FERMT1: variants seen among roughly 807,000 people sequenced by gnomAD.
FERMT1 encodes fermitin family homolog 1.
FERMT1 carries 60 observed loss-of-function variants against 85.3 expected under a neutral mutation model. The ratio of observed to expected loss-of-function variants is 0.70; its 90% CI spans 0.57 to 0.87. The LOEUF (loss-of-function observed/expected upper bound fraction) is 0.87. FERMT1 is among the 40% of genes least tolerant of loss of function. The pLI is 0.00. For missense variants in FERMT1, 701 were observed against 818.9 expected (o/e 0.86, Z 1.76); for synonymous variants, 275 against 301.1 (o/e 0.91, Z 0.90).
intron 14 of FERMT1, among the ~76,000 whole-genome samples, chr20:6,079,027 C>A (rs2236148): frequency 0.2 from 30,265 of 152,152 alleles, 3,739 homozygotes; most frequent in East Asian, 0.55. Flanking sequence ...AGTCCTCCAT[C>A]GGGTTTCTTG....
chr20:6,094,332 A>C (rs897512816), intron 9 of FERMT1, among the ~76,000 whole-genome samples: 1 of 152,244 alleles, frequency 6.6e-6, no homozygotes, highest in Non-Finnish European at 1.5e-5. Flanking sequence ...CCATGGAAAA[A>C]TAAAACTCCT....
chr20:6,098,340 A>G (rs1249764575), intron 6 of FERMT1, among the ~76,000 whole-genome samples: 1 of 152,154 alleles, frequency 6.6e-6, no homozygotes, highest in Non-Finnish European at 1.5e-5. Flanking sequence ...TTTAAATGAA[A>G]CTTTATACAA....
intron 2 of FERMT1, among the ~76,000 whole-genome samples, chr20:6,117,061 T>C (rs1259576499): frequency 2.0e-5 from 3 of 152,206 alleles, no homozygotes; most frequent in African/African-American, 4.8e-5. Flanking sequence ...AGTGTCCAAA[T>C]TGAAGTCAGA....
intron 4 of FERMT1, among the ~76,000 whole-genome samples, chr20:6,111,461 G>C (rs866053566): frequency 6.6e-6 from 1 of 151,954 alleles, no homozygotes. Flanking sequence ...GCAAAACCCT[G>C]TCTCTACTAA....
At chr20:6,115,542 G>A (rs1367185394) in intron 3 of FERMT1, among the ~76,000 whole-genome samples, 1 of 152,076 alleles carries the variant, frequency 6.6e-6, no homozygotes, top group African/African-American at 2.4e-5. Context: ...AATTTTGGGG[G>A]GCAATCTTAG....
intron 13 of FERMT1, among the ~76,000 whole-genome samples, chr20:6,083,270 G>A (rs73074322): frequency 0.027 from 4,060 of 152,236 alleles, 89 homozygotes; most frequent in South Asian, 0.055. Context: ...AACAAATGAG[G>A]ATGCAGGGCT....
At chr20:6,087,544 C>G in intron 11 of FERMT1, 7 of 493,918 alleles carry the variant, frequency 1.4e-5, no homozygotes, top group Non-Finnish European at 2.7e-5. Context: ...CTCCTGACCT[C>G]AGGTGATCTG....
chr20:6,103,383 G>A (rs574335123), intron 6 of FERMT1, among the ~76,000 whole-genome samples: 1 of 152,158 alleles, frequency 6.6e-6, no homozygotes, highest in Non-Finnish European at 1.5e-5. Flanking sequence ...AACCGCCCCT[G>A]TATACCTACA....
chr20:6,085,026 A>G, intron 12 of FERMT1, 40 bp downstream of exon 12: 2 of 1,543,150 alleles, frequency 1.3e-6, no homozygotes, highest in Non-Finnish European at 1.8e-6. Context: ...TTGCATAAAG[A>G]ATTTACTGCA....
chr20:6,101,370 T>C (rs1163225889), intron 6 of FERMT1, among the ~76,000 whole-genome samples: 1 of 152,056 alleles, frequency 6.6e-6, no homozygotes, highest in African/African-American at 2.4e-5. Context: ...TTTTTTTCAG[T>C]GGTTAAAAAA....
intron 3 of FERMT1, among the ~76,000 whole-genome samples, chr20:6,113,322 G>A (rs549986228): frequency 3.3e-5 from 5 of 152,100 alleles, no homozygotes; most frequent in Admixed American, 6.5e-5. Flanking sequence ...CCCAGTCTCA[G>A]ATATGTCTTT....
At chr20:6,091,619 A>G (rs1489942793) in intron 9 of FERMT1, among the ~76,000 whole-genome samples, 2 of 152,238 alleles carry the variant, frequency 1.3e-5, no homozygotes, top group African/African-American at 4.8e-5. Flanking sequence ...CCTTTAACCA[A>G]AAGATACAGG....
rs1471171556 is a variant in FERMT1, at chr20:6,077,055, C to T, written c.*118G>A. 9 of 1,014,504 alleles carry T rather than the reference C, an allele frequency of 8.9e-6. No individual in the cohort carries two copies. Among genetic ancestry groups the T allele is most frequent in the Admixed American group, 3.4e-5 (2 of 58,300 alleles). The allele number at this position is 1,014,504 out of a possible 1,614,324, so 62.8% of individuals were successfully genotyped here. ...TTTGAATGAGGATCTGGGTGACCAG[C>T]GGTGAATGTATGTTGTCTGTTAGTC... On this transcript the variant is annotated 3_prime_UTR_variant, in exon 15 of 15. Transcript: ENST00000217289.
intron 6 of FERMT1, among the ~76,000 whole-genome samples, chr20:6,102,484 C>A (rs1982683786): frequency 6.6e-6 from 1 of 151,518 alleles, no homozygotes; most frequent in Non-Finnish European, 1.5e-5. Flanking sequence ...TGGGACCAGC[C>A]TGGCCAACAT....
chr20:6,097,369 G>C (rs979578894), intron 7 of FERMT1, among the ~76,000 whole-genome samples, 155 bp downstream of exon 7: 4 of 152,078 alleles, frequency 2.6e-5, no homozygotes, highest in African/African-American at 9.7e-5. Flanking sequence ...GTCTGAAGAA[G>C]AAAGCAAAAT....
chr20:6,090,130 T>C (rs1210067893), intron 9 of FERMT1, among the ~76,000 whole-genome samples: 2 of 152,034 alleles, frequency 1.3e-5, no homozygotes, highest in African/African-American at 4.8e-5. Flanking sequence ...GCTAGAGTGC[T>C]GTGGCACGAT....
At chr20:6,119,653 T>C (rs201967078) in intron 1 of FERMT1, 81 bp from the exon 2 acceptor site, 1 of 1,084,850 alleles carries the variant, frequency 9.2e-7, no homozygotes, top group Non-Finnish European at 1.3e-6. Flanking sequence ...GCAAAATTTC[T>C]TTTTTGTTTT....
In FERMT1 at chr20:6,112,627, G is replaced by C. The variant is rs1982985605; in HGVS notation, c.386-4C>G. On this transcript the variant is annotated splice_region_variant and splice_polypyrimidine_tract_variant and intron_variant, in intron 3 of 14. Transcript: ENST00000217289. ...AGCTCTTCTGATCTTCTAATATCTA[G>C]AAATAAATATTTTTTAAAAATGAAG... The C allele has an allele frequency of 6.6e-7, 1 of 1,519,894 alleles. No individual in the cohort carries two copies. The highest frequency in any genetic ancestry group is 8.9e-7 in the Non-Finnish European group (1 of 1,126,082). 94.2% of individuals were successfully genotyped at this position (1,519,894 alleles called of 1,614,324 possible).
Position 6,089,008 on chromosome 20 carries a change from CTTATTT to C in FERMT1, c.1215_1220del (p.Asn406_Lys407del), listed in dbSNP as rs1459909553. 1 of 1,612,022 alleles carries C rather than the reference CTTATTT, an allele frequency of 6.2e-7. No homozygotes were observed. The highest frequency in any genetic ancestry group is 1.1e-5 in the South Asian group (1 of 91,024). On this transcript the variant is annotated inframe_deletion, in exon 10 of 15. Transcript: ENST00000217289. ...CTAGTGGTTCTCCTTGTTCAAGTTCCTTATTTTTAAAGTATGCTATGGATGTGTCTT... is the reference window on the plus strand; with the variant it reads ...CTAGTGGTTCTCCTTGTTCAAGTTCCTTAAAGTATGCTATGGATGTGTCTT...
Sources: gnomAD v4.1 joint callset for allele counts (sites outside exome capture counted in the v4.1 genomes callset) on GRCh38, gnomAD v4.1.1 for gene constraint, MANE v1.5 for transcripts, NCBI Gene and HGNC (gene_info 2026-07-23, HGNC 2026-07-21) for gene names.